The following MYRFL variants were observed in gnomAD, a reference collection of about 807,000 sequenced individuals.
The protein encoded by MYRFL is myelin regulatory factor-like protein.
A neutral mutation model predicts 109.4 loss-of-function variants in MYRFL; 88 were observed. The observed-to-expected ratio is 0.80, with a 90% confidence interval of 0.68 to 0.96. The LOEUF is 0.96. MYRFL is among the 40% of genes least tolerant of loss of function. The pLI is 0.00. For synonymous variants in MYRFL, 324 were observed against 320.9 expected, an observed-to-expected ratio of 1.01 and a Z score of -0.10; for missense variants, 957 against 954.9, an observed-to-expected ratio of 1.00 and a Z score of -0.03.
intron 2 of MYRFL, among the ~76,000 whole-genome samples, chr12:69,876,578 C>T (rs1417026365): frequency 1.3e-5 from 2 of 151,986 alleles, no homozygotes; most frequent in African/African-American, 4.8e-5. Flanking sequence ...ATGTCTGGTC[C>T]TTTATTGTTT....
intron 1 of MYRFL, among the ~76,000 whole-genome samples, chr12:69,853,717 G>A (rs974216824): frequency 6.6e-6 from 1 of 150,632 alleles, no homozygotes; most frequent in East Asian, 2.0e-4. Flanking sequence ...CGGGGAGGCA[G>A]CCGGGAAGAG....
At chr12:69,909,446 A>G (rs1028936653) in intron 11 of MYRFL, among the ~76,000 whole-genome samples, 8 of 152,206 alleles carry the variant, frequency 5.3e-5, no homozygotes, top group Admixed American at 6.5e-5. Flanking sequence ...TTGCCTCAAT[A>G]GCTACTCAAT....
intron 1 of MYRFL, among the ~76,000 whole-genome samples, chr12:69,854,237 C>T (rs566641388): frequency 6.6e-5 from 10 of 151,058 alleles, no homozygotes; most frequent in African/African-American, 1.2e-4. Context: ...CTCAGGCACT[C>T]GGCAGGCTGA....
chr12:69,902,044 C>A (rs59860037), intron 10 of MYRFL, among the ~76,000 whole-genome samples: 1 of 152,006 alleles, frequency 6.6e-6, no homozygotes, highest in Non-Finnish European at 1.5e-5. Flanking sequence ...TAGGAACATG[C>A]CACCACACAT....
intron 1 of MYRFL, among the ~76,000 whole-genome samples, chr12:69,852,982 C>T (rs571421632): frequency 6.6e-6 from 1 of 152,346 alleles, no homozygotes; most frequent in South Asian, 2.1e-4. Context: ...CCTACGTCTA[C>T]TTCTTTCTAC....
At chr12:69,941,728 A>AAATT (rs1955651572) in intron 19 of MYRFL, among the ~76,000 whole-genome samples, 1 of 148,894 alleles carries the variant, frequency 6.7e-6, no homozygotes, top group Admixed American at 6.7e-5. Context: ...ACCCTTCAAA[A>AAATT]AATTAATGAA....
intron 2 of MYRFL, among the ~76,000 whole-genome samples, chr12:69,870,323 C>A (rs1449031963): frequency 6.6e-6 from 1 of 151,348 alleles, no homozygotes; most frequent in African/African-American, 2.4e-5. Flanking sequence ...GGTGATCCAC[C>A]CGCCTCGGCC....
At chr12:69,889,458 T>G (rs1412359002) in intron 6 of MYRFL, among the ~76,000 whole-genome samples, 1 of 152,176 alleles carries the variant, frequency 6.6e-6, no homozygotes, top group Non-Finnish European at 1.5e-5. Context: ...TTTGGGAACT[T>G]TTTTGGATTT....
At chr12:69,829,534 G>T (rs1882490455) in intron 1 of MYRFL, among the ~76,000 whole-genome samples, 1 of 152,030 alleles carries the variant, frequency 6.6e-6, no homozygotes, top group South Asian at 2.1e-4. Flanking sequence ...GTATGATATT[G>T]GCATATAGTA....
At chr12:69,857,018 G>C (rs1035821825) in intron 2 of MYRFL, among the ~76,000 whole-genome samples, 1 of 151,670 alleles carries the variant, frequency 6.6e-6, no homozygotes, top group African/African-American at 2.4e-5. Context: ...TTTATATTTA[G>C]GTCTATGATC....
chr12:69,876,322 A>G (rs1262233115), intron 2 of MYRFL, among the ~76,000 whole-genome samples: 1 of 152,058 alleles, frequency 6.6e-6, no homozygotes, highest in Non-Finnish European at 1.5e-5. Context: ...GCCCACCACA[A>G]TCTCCTTGCT....
chr12:69,932,632 C>T, intron 16 of MYRFL, 34 bp downstream of exon 16: 3 of 1,438,082 alleles, frequency 2.1e-6, no homozygotes, highest in Non-Finnish European at 2.8e-6. Context: ...CCATGTCAAG[C>T]TCTTTTGTTC....
intron 2 of MYRFL, among the ~76,000 whole-genome samples, chr12:69,866,290 G>A (rs1352064325): frequency 6.6e-6 from 1 of 151,920 alleles, no homozygotes; most frequent in Non-Finnish European, 1.5e-5. Flanking sequence ...ACCTATACTT[G>A]ATTAAAAAAA....
intron 1 of MYRFL, among the ~76,000 whole-genome samples, chr12:69,849,943 G>A (rs1193953321): frequency 6.6e-6 from 1 of 152,134 alleles, no homozygotes; most frequent in Non-Finnish European, 1.5e-5. Flanking sequence ...ATGTGGTTTG[G>A]CTCTGTGTCC....
At chr12:69,907,557 G>C (rs1385698646) in intron 11 of MYRFL, among the ~76,000 whole-genome samples, 4 of 152,198 alleles carry the variant, frequency 2.6e-5, no homozygotes, top group East Asian at 3.9e-4. Flanking sequence ...CTGAGGAACT[G>C]GGTAGGGCCT....
intron 2 of MYRFL, among the ~76,000 whole-genome samples, chr12:69,862,553 CTGTTGTTGGTGT>C (rs1047355391): frequency 6.7e-6 from 1 of 149,550 alleles, no homozygotes; most frequent in African/African-American, 2.4e-5. Flanking sequence ...CTCCGTTTGT[CTGTTGTTGGTGT>C]ATAAGAATGC....
chr12:69,881,037 AG>A (rs1473953113), intron 5 of MYRFL, among the ~76,000 whole-genome samples: 4 of 145,108 alleles, frequency 2.8e-5, no homozygotes, highest in African/African-American at 1.0e-4. Context: ...AGCCTTTTGA[AG>A]TCCAAAGACT....
At chr12:69,897,953 C>T (rs911599812) in intron 10 of MYRFL, among the ~76,000 whole-genome samples, 16 of 152,218 alleles carry the variant, frequency 1.1e-4, no homozygotes, top group Admixed American at 7.2e-4. Flanking sequence ...TTGGTGGCTG[C>T]AGCTGCAGCT....
chr12:69,957,794 T>A, intron 22 of MYRFL, 28 bp from the exon 23 acceptor site: 1 of 1,507,346 alleles, frequency 6.6e-7, no homozygotes, highest in Non-Finnish European at 8.9e-7. Context: ...CTTTTTCAGG[T>A]GCTCTTTCTT....
Sources: allele counts gnomAD v4.1 joint callset (sites outside exome capture counted in the v4.1 genomes callset), GRCh38; gene constraint gnomAD v4.1.1; transcripts MANE v1.5; gene names NCBI Gene and HGNC (gene_info 2026-07-23, HGNC 2026-07-21).